Variants in ENTREP1 observed in about 807,000 individuals in gnomAD.
The protein encoded by ENTREP1 is Friedreich ataxia region gene X123.
the ENTREP1 span, chr9:69,385,816 C>G: frequency 1.9e-6 from 3 of 1,568,316 alleles, no homozygotes; most frequent in Non-Finnish European, 2.6e-6. Context: ...CCTAACATAC[C>G]TGCCGAAGAA....
At chr9:69,386,440 C>T in the ENTREP1 span, 1 of 48,686 alleles carries the variant, frequency 2.1e-5, no homozygotes, top group Non-Finnish European at 4.4e-5. Flanking sequence ...CAATTCACCT[C>T]TCTCTCTGTG....
At chr9:69,380,373 C>A in the ENTREP1 span, 2 of 152,222 alleles carry the variant, frequency 1.3e-5, no homozygotes, top group African/African-American at 4.8e-5. Flanking sequence ...TTCTTTTAAG[C>A]AGGCAGGCAA....
At chr9:69,365,035 G>A in the ENTREP1 span, among the ~76,000 whole-genome samples, 2 of 152,278 alleles carry the variant, frequency 1.3e-5, no homozygotes, top group East Asian at 3.9e-4. Flanking sequence ...TTCATTGTAT[G>A]ATCTCAGAAT....
chr9:69,325,252 C>T, the ENTREP1 span: 1 of 1,091,728 alleles, frequency 9.2e-7, no homozygotes, highest in Non-Finnish European at 1.1e-6. Context: ...CGGCTCCGCT[C>T]CGCGTCCTCT....
the ENTREP1 span, among the ~76,000 whole-genome samples, chr9:69,362,240 TCAAACAATAC>T: frequency 2.0e-5 from 3 of 152,050 alleles, no homozygotes; most frequent in Non-Finnish European, 4.4e-5. Context: ...AAATCTTGTA[TCAAACAATAC>T]CAAGCTGTGA....
chr9:69,387,729 G>A, the ENTREP1 span: 1 of 389,056 alleles, frequency 2.6e-6, no homozygotes, highest in South Asian at 2.1e-5. Context: ...GACAAGTCTT[G>A]TCTCTCTTCA....
the ENTREP1 span, chr9:69,383,831 C>A: frequency 6.3e-7 from 1 of 1,593,152 alleles, no homozygotes; most frequent in Non-Finnish European, 8.6e-7. Context: ...CCACCCCCTG[C>A]CCCCAGAGAA....
At chr9:69,343,380 C>T in the ENTREP1 span, among the ~76,000 whole-genome samples, 6 of 152,316 alleles carry the variant, frequency 3.9e-5, no homozygotes, top group South Asian at 1.2e-3. Context: ...CAGCTCTTTG[C>T]CAGTTCTCAG....
chr9:69,365,648 A>G, the ENTREP1 span, among the ~76,000 whole-genome samples: 1 of 152,096 alleles, frequency 6.6e-6, no homozygotes, highest in African/African-American at 2.4e-5. Context: ...TCCATTAACC[A>G]ACCTCTCTTC....
At chr9:69,340,265 C>T in the ENTREP1 span, among the ~76,000 whole-genome samples, 2 of 152,132 alleles carry the variant, frequency 1.3e-5, no homozygotes, top group African/African-American at 4.8e-5. Context: ...GGCAGGCTGT[C>T]CTCGTTTTTA....
the ENTREP1 span, among the ~76,000 whole-genome samples, chr9:69,338,992 C>T: frequency 2.0e-5 from 3 of 152,060 alleles, no homozygotes; most frequent in African/African-American, 7.2e-5. Flanking sequence ...TAGTCAGTAT[C>T]ATAAATGAGA....
chr9:69,378,713 C>T, the ENTREP1 span, among the ~76,000 whole-genome samples: 3 of 150,986 alleles, frequency 2.0e-5, no homozygotes, highest in Non-Finnish European at 4.4e-5. Context: ...GAGCTGAGAT[C>T]GCACCACTGC....
At chr9:69,337,865 T>C in the ENTREP1 span, among the ~76,000 whole-genome samples, 1 of 152,192 alleles carries the variant, frequency 6.6e-6, no homozygotes, top group Non-Finnish European at 1.5e-5. Context: ...TTTTCTAAAG[T>C]CATTTTGTAT....
At chr9:69,340,695 ATGTG>A in the ENTREP1 span, among the ~76,000 whole-genome samples, 9 of 54,420 alleles carry the variant, frequency 1.7e-4, no homozygotes, top group East Asian at 8.3e-4. Flanking sequence ...GTGTGTGTGT[ATGTG>A]TGTGTGTATG....
chr9:69,326,863 C>T, the ENTREP1 span, among the ~76,000 whole-genome samples: 3 of 151,860 alleles, frequency 2.0e-5, no homozygotes, highest in Admixed American at 6.6e-5. Flanking sequence ...CACAGCCGAC[C>T]GTAAATAACC....
chr9:69,383,716 C>T, the ENTREP1 span: 14 of 1,614,098 alleles, frequency 8.7e-6, no homozygotes, highest in East Asian at 2.2e-5. Flanking sequence ...CTGGATCCCC[C>T]GCCGCCATAT....
the ENTREP1 span, among the ~76,000 whole-genome samples, chr9:69,366,622 T>C: frequency 6.6e-6 from 1 of 152,110 alleles, no homozygotes; most frequent in Non-Finnish European, 1.5e-5. Context: ...TAGACCAGTG[T>C]TCTAGAGTAT....
chr9:69,377,882 G>T, the ENTREP1 span: 3 of 904,656 alleles, frequency 3.3e-6, no homozygotes, highest in Non-Finnish European at 4.8e-6. Context: ...CTTGAGGAAC[G>T]TTAGCCCAAT....
At chr9:69,378,616 G>A in the ENTREP1 span, among the ~76,000 whole-genome samples, 7 of 151,948 alleles carry the variant, frequency 4.6e-5, no homozygotes, top group African/African-American at 7.3e-5. Context: ...AAAATTAGCC[G>A]GGCATGGTAG....
Sources: allele counts gnomAD v4.1 joint callset (sites outside exome capture counted in the v4.1 genomes callset), GRCh38; gene constraint gnomAD v4.1.1; transcripts MANE v1.5; gene names NCBI Gene and HGNC (gene_info 2026-07-23, HGNC 2026-07-21).